AARS1: variants seen among roughly 807,000 people sequenced by gnomAD.
AARS1 encodes alanine--tRNA ligase, cytoplasmic.
Under a neutral mutation model 108.9 loss-of-function variants are expected in AARS1, and 72 were observed. The ratio of observed to expected loss-of-function variants is 0.66; its 90% CI spans 0.55 to 0.80. The LOEUF is 0.80. Among genes scored for constraint, AARS1 ranks in the 30% least tolerant of loss-of-function variants. The pLI is 0.00. For missense variants in AARS1, 1,193 were observed against 1,233.2 expected (o/e 0.97, Z 0.49); for synonymous variants, 489 against 465.7 (o/e 1.05, Z -0.64).
At chr16:70,273,410 T>C (rs1375736631) in intron 4 of AARS1, among the ~76,000 whole-genome samples, 3 of 152,162 alleles carry the variant, frequency 2.0e-5, no homozygotes, top group African/African-American at 7.2e-5. Flanking sequence ...GATTATACTT[T>C]AGAATTACAT....
Position 70,265,565 on chromosome 16 carries a change from G to C in AARS1, c.1320C>G (p.Gly440=). The C allele has an allele frequency of 6.2e-7, 1 of 1,613,974 alleles. No homozygotes were observed. Among genetic ancestry groups the C allele is most frequent in the Non-Finnish European group, 8.5e-7 (1 of 1,179,950 alleles). Residue 440 remains glycine, a synonymous_variant, in exon 10 of 21, where the codon GGC becomes GGG. Coordinates refer to ENST00000261772, the MANE Select transcript of AARS1 (RefSeq NM_001605.3). ...EEKGLVVDMD[G]FEEERKLAQL... Reference sequence around the variant, plus strand: ...GGGCCAGTTTCCTCTCCTCTTCAAAGCCATCCATGTCTACCACCAGGCCCT... The same window carrying C: ...GGGCCAGTTTCCTCTCCTCTTCAAACCCATCCATGTCTACCACCAGGCCCT...
intron 4 of AARS1, among the ~76,000 whole-genome samples, chr16:70,275,096 C>G (rs1336822211): frequency 6.6e-6 from 1 of 151,092 alleles, no homozygotes; most frequent in Admixed American, 6.6e-5. Context: ...CCCATCTCTA[C>G]TAAAAATACA....
intron 11 of AARS1, 146 bp downstream of exon 11, chr16:70,264,812 G>A (rs772119865): frequency 2.6e-5 from 25 of 958,484 alleles, no homozygotes; most frequent in Admixed American, 8.0e-5. Context: ...GTGCCTATGT[G>A]TATAAAAGTG....
In AARS1 at chr16:70,282,515, G is replaced by T. The variant is rs913179388; in HGVS notation, c.144+105C>A. On this transcript the variant is annotated intron_variant, in intron 2 of 20. Coordinates refer to ENST00000261772, the MANE Select transcript of AARS1 (RefSeq NM_001605.3). ...CATAAAGTTTCACAAGATCACACAG[G>T]GAGTGACAGAACCAGAATCGGTCTG... is the stretch of plus-strand genomic sequence containing the variant. 3.6e-6 allele frequency: 5 copies of T among 1,377,138 alleles called. No individual in the cohort carries two copies. The African/African-American group carries it at 5.7e-5, about 16-fold the overall frequency. 85.3% of individuals were successfully genotyped at this position (1,377,138 alleles called of 1,614,324 possible). A position where few individuals can be genotyped will look rare whatever the true frequency, so the allele number is the denominator to read the frequency against.
Position 70,276,867 on chromosome 16 carries a change from T to C in AARS1, c.333+99A>G, listed in dbSNP as rs530597270. 6.5e-6 allele frequency: 9 copies of C among 1,386,646 alleles called. No homozygotes were observed. The South Asian group carries it at 9.4e-5, about 15-fold the overall frequency. The allele number at this position is 1,386,646 out of a possible 1,614,324, so 85.9% of individuals were successfully genotyped here. Reference sequence around the variant, plus strand: ...ATTCATTCCTGAATCACCTAGATGATATTTCATATTTTAAAACATGCAAAA... The same window carrying C: ...ATTCATTCCTGAATCACCTAGATGACATTTCATATTTTAAAACATGCAAAA... On this transcript the variant is annotated intron_variant, in intron 3 of 20. Transcript: ENST00000261772.
chr16:70,254,349 C>G (rs1480569945), intron 17 of AARS1: 1 of 584,268 alleles, frequency 1.7e-6, no homozygotes, highest in South Asian at 2.0e-5. Flanking sequence ...CAGGGGCCAG[C>G]CTTAGCCCAT....
At chr16:70,272,035 A>C in intron 4 of AARS1, 63 bp from the exon 5 acceptor site, 1 of 1,502,196 alleles carries the variant, frequency 6.7e-7, no homozygotes, top group South Asian at 1.1e-5. Flanking sequence ...CCAGACTTGC[A>C]ACCACCGCAA....
intron 15 of AARS1, among the ~76,000 whole-genome samples, chr16:70,257,247 A>AC (rs1960013956): frequency 1.3e-5 from 2 of 151,690 alleles, no homozygotes; most frequent in African/African-American, 4.9e-5. Flanking sequence ...CCGTCTCAAA[A>AC]AAAAAAAAAG....
chr16:70,281,623 G>C (rs1960698173), intron 2 of AARS1, among the ~76,000 whole-genome samples: 1 of 152,148 alleles, frequency 6.6e-6, no homozygotes, highest in African/African-American at 2.4e-5. Flanking sequence ...CCAAGATCGT[G>C]CCACTGCACT....
intron 4 of AARS1, among the ~76,000 whole-genome samples, chr16:70,274,507 C>T (rs1174287981): frequency 6.6e-6 from 1 of 151,620 alleles, no homozygotes; most frequent in Non-Finnish European, 1.5e-5. Context: ...GTGTGGATCA[C>T]CAGGTCAGGA....
chr16:70,276,457 T>A, intron 4 of AARS1, 29 bp downstream of exon 4: 1 of 1,612,352 alleles, frequency 6.2e-7, no homozygotes, highest in African/African-American at 1.3e-5. Context: ...CACTCCTCCA[T>A]ACTCTCAAGA....
At chr16:70,270,468 G>T in intron 5 of AARS1, 128 bp from the exon 6 acceptor site, 2 of 1,149,564 alleles carry the variant, frequency 1.7e-6, no homozygotes, top group Non-Finnish European at 2.6e-6. Flanking sequence ...GCCCGGTTTG[G>T]TGGGAAGAGG....
chr16:70,267,871 T>G lies in AARS1; in HGVS notation c.1072-62A>C, dbSNP rs1960301463. 5.0e-6 allele frequency: 8 copies of G among 1,611,042 alleles called. No individual in the cohort carries two copies. The East Asian group carries it at 1.8e-4, about 36-fold the overall frequency. ...GCCAGAGACTGTTCCCTGCCCCGTC[T>G]TAAAAAAGCTCCTTAGCTGGGTGCA... On this transcript the variant is annotated intron_variant, in intron 8 of 20. Coordinates refer to ENST00000261772, the MANE Select transcript of AARS1 (RefSeq NM_001605.3).
Position 70,269,901 on chromosome 16 carries a change from T to C in AARS1, c.817-138A>G, listed in dbSNP as rs1294132879. On this transcript the variant is annotated intron_variant, in intron 6 of 20. Transcript: ENST00000261772. The stretch of plus-strand genomic sequence containing the variant: ...GCCAGATCCTATAACCCCAAGAACG[T>C]GACATTGGGGAAGTAGAGAGACTCC... 6 of 1,191,594 alleles carry C rather than the reference T, an allele frequency of 5.0e-6. No homozygotes were observed. In the African/African-American group the frequency reaches 9.4e-5, roughly 19 times the overall value. The allele number at this position is 1,191,594 out of a possible 1,614,324, so 73.8% of individuals were successfully genotyped here.
intron 1 of AARS1, among the ~76,000 whole-genome samples, 156 bp downstream of exon 1, chr16:70,289,265 A>C (rs2152174832): frequency 6.6e-6 from 1 of 152,200 alleles, no homozygotes; most frequent in Admixed American, 6.5e-5. Flanking sequence ...GGCGAACGCA[A>C]GGCCACACTG....
intron 20 of AARS1, 146 bp from the exon 21 acceptor site, chr16:70,253,052 A>G (rs1959881346): frequency 1.9e-6 from 2 of 1,042,822 alleles, no homozygotes; most frequent in South Asian, 1.3e-5. Context: ...CGGCTGGTAC[A>G]GGGGGCGGCC....
intron 14 of AARS1, 111 bp from the exon 15 acceptor site, chr16:70,258,328 G>C (rs570266481): frequency 8.3e-7 from 1 of 1,204,960 alleles, no homozygotes; most frequent in African/African-American, 1.5e-5. Context: ...ACCTGGCTTG[G>C]CCTAGCACGT....
At chr16:70,284,984 C>T (rs912163267) in intron 1 of AARS1, among the ~76,000 whole-genome samples, 4 of 152,184 alleles carry the variant, frequency 2.6e-5, no homozygotes, top group Non-Finnish European at 5.9e-5. Flanking sequence ...AATCCCAGCA[C>T]TTTGGGAGGC....
chr16:70,265,520 A>G lies in AARS1; in HGVS notation c.1347+18T>C. The G allele has an allele frequency of 6.2e-7, 1 of 1,613,268 alleles. No individual in the cohort carries two copies. The highest frequency in any genetic ancestry group is 8.5e-7 in the Non-Finnish European group (1 of 1,179,706). ...TTGGAAGGTGTTGGGTTTCCTGTTC[A>G]CTCTCCAAGTTCTTTACCTGGGCCA... On this transcript the variant is annotated intron_variant, in intron 10 of 20. Transcript: ENST00000261772.
Sources: gnomAD v4.1 joint callset for allele counts (sites outside exome capture counted in the v4.1 genomes callset) on GRCh38, gnomAD v4.1.1 for gene constraint, MANE v1.5 for transcripts, NCBI Gene and HGNC (gene_info 2026-07-23, HGNC 2026-07-21) for gene names.